The following RIMS4 variants were observed in gnomAD, a reference collection of about 807,000 sequenced individuals.
RIMS4 encodes the protein regulating synaptic membrane exocytosis protein 4.
A neutral mutation model predicts 29.0 loss-of-function variants in RIMS4; 9 were observed. The observed-to-expected ratio is 0.31, with a 90% CI of 0.19 to 0.54. The LOEUF is 0.54. RIMS4 is among the 20% of genes least tolerant of loss of function. The pLI is 0.94. For synonymous variants in RIMS4, 130 were observed against 152.9 expected (o/e 0.85, Z 1.10); for missense variants, 193 against 365.7 (o/e 0.53, Z 3.85).
At chr20:44,773,491 C>A (rs1401015006) in intron 1 of RIMS4, among the ~76,000 whole-genome samples, 4 of 150,764 alleles carry the variant, frequency 2.7e-5, no homozygotes, top group Admixed American at 2.0e-4. Context: ...GGAACAAACA[C>A]CCCCCCCACA....
chr20:44,770,558 G>A (rs1300254837), intron 2 of RIMS4, among the ~76,000 whole-genome samples: 4 of 152,134 alleles, frequency 2.6e-5, no homozygotes, highest in African/African-American at 9.7e-5. Context: ...AGTTGCTCTA[G>A]GGTAAAAGCT....
At chr20:44,759,584 C>T (rs1373621595) in intron 2 of RIMS4, among the ~76,000 whole-genome samples, 1 of 152,200 alleles carries the variant, frequency 6.6e-6, no homozygotes, top group Non-Finnish European at 1.5e-5. Flanking sequence ...TGATCTTTAT[C>T]ACCATCTTTT....
chr20:44,784,556 A>C (rs1215404271), intron 1 of RIMS4, among the ~76,000 whole-genome samples: 2 of 152,226 alleles, frequency 1.3e-5, no homozygotes, highest in Non-Finnish European at 2.9e-5. Context: ...TCCACGTCCC[A>C]AAACTGCTTA....
chr20:44,791,845 T>C (rs962252352), intron 1 of RIMS4, among the ~76,000 whole-genome samples: 4 of 152,146 alleles, frequency 2.6e-5, no homozygotes, highest in African/African-American at 9.7e-5. Context: ...ATAACTCAGA[T>C]CTCCAAGAAG....
Position 44,771,164 on chromosome 20 carries a change from G to A in RIMS4, c.236+111C>T, listed in dbSNP as rs567741252. ...GATGAACCTGGAGCCCTGAGCTGGC[G>A]CTTTCACAGCCTGGAGCTGCCCTAG... On this transcript the variant is annotated intron_variant, in intron 2 of 5. Transcript: ENST00000372851. 1.7e-4 allele frequency: 222 copies of A among 1,278,460 alleles called. No homozygotes were observed. In the Middle Eastern group the frequency reaches 1.9e-3, roughly 11 times the overall value. The allele number at this position is 1,278,460 out of a possible 1,614,324, so 79.2% of individuals were successfully genotyped here.
intron 1 of RIMS4, among the ~76,000 whole-genome samples, chr20:44,781,054 T>A (rs2066182266): frequency 6.6e-6 from 1 of 152,238 alleles, no homozygotes; most frequent in South Asian, 2.1e-4. Flanking sequence ...TATGCCATGC[T>A]GTTCTTGTCT....
At position 44,810,263 on chromosome 20, in the gene RIMS4, G is replaced by A. The variant is rs774245588; in HGVS notation, c.9C>T (p.Arg3=). Reference sequence around the variant, plus strand: ...CGGACAGACTGAGGCGGCTCTGCGAGCGCTCCATGCCCGCGCCGGCGCCGG... The same window carrying A: ...CGGACAGACTGAGGCGGCTCTGCGAACGCTCCATGCCCGCGCCGGCGCCGG... ME[R]SQSRLSLSAS... is the part of the protein sequence containing the mutation. The change falls in exon 1 of 6, where the codon CGC becomes CGT. Residue 3 remains arginine (R), a synonymous_variant. Coordinates refer to ENST00000372851, the MANE Select transcript of RIMS4 (RefSeq NM_182970.4). The A allele has an allele frequency of 1.8e-5, 27 of 1,474,330 alleles. No individual in the cohort carries two copies. The South Asian group carries it at 3.1e-4, about 17-fold the overall frequency. The allele number at this position is 1,474,330 out of a possible 1,614,324, so 91.3% of individuals were successfully genotyped here.
At position 44,810,318 on chromosome 20, in the gene RIMS4, G is replaced by A. The variant is rs1402003290; in HGVS notation, c.-47C>T. 2 of 739,732 alleles carry A rather than the reference G, an allele frequency of 2.7e-6. No individual in the cohort carries two copies. Among genetic ancestry groups the A allele is most frequent in the African/African-American group, 3.9e-5 (2 of 51,576 alleles). The allele number at this position is 739,732 out of a possible 1,614,324, so 45.8% of individuals were successfully genotyped here. On this transcript the variant is annotated 5_prime_UTR_variant, in exon 1 of 6. Coordinates refer to ENST00000372851, the MANE Select transcript of RIMS4 (RefSeq NM_182970.4). ...CTCGGCCGCGGCGGCGGCGGCGGCG[G>A]CGGGCGGCTTGGGCAGCTTGGCCGC... is the stretch of plus-strand genomic sequence containing the variant.
chr20:44,809,649 G>A (rs538328954), intron 1 of RIMS4, among the ~76,000 whole-genome samples: 1 of 152,360 alleles, frequency 6.6e-6, no homozygotes, highest in Admixed American at 6.5e-5. Context: ...CCCAGCCCAT[G>A]AGGGAAGGAG....
At chr20:44,802,165 G>A (rs2066279986) in intron 1 of RIMS4, among the ~76,000 whole-genome samples, 1 of 152,150 alleles carries the variant, frequency 6.6e-6, no homozygotes. Context: ...TGTGACAACT[G>A]CAGCTGCTAC....
At chr20:44,790,126 C>T (rs761246980) in intron 1 of RIMS4, among the ~76,000 whole-genome samples, 6 of 152,222 alleles carry the variant, frequency 3.9e-5, no homozygotes, top group African/African-American at 1.2e-4. Flanking sequence ...CCAGGCTGCA[C>T]GCCTGATTTT....
intron 1 of RIMS4, among the ~76,000 whole-genome samples, chr20:44,789,281 G>A (rs1032931137): frequency 1.6e-4 from 25 of 152,124 alleles, no homozygotes; most frequent in Admixed American, 3.3e-4. Context: ...TATCATCACA[G>A]TATGAGAATT....
At chr20:44,809,376 C>T (rs1164251622) in intron 1 of RIMS4, among the ~76,000 whole-genome samples, 5 of 152,106 alleles carry the variant, frequency 3.3e-5, no homozygotes. Context: ...CCTACAGCTC[C>T]CCACCCCTCG....
At chr20:44,776,577 A>T (rs920115727) in intron 1 of RIMS4, among the ~76,000 whole-genome samples, 1 of 152,218 alleles carries the variant, frequency 6.6e-6, no homozygotes, top group Non-Finnish European at 1.5e-5. Context: ...GGCACTCTGT[A>T]CTTCAGTTTC....
rs2066041277 is a variant in RIMS4, at chr20:44,753,008, G to A, written c.*3126C>T. ...AGCCCAGTAGGGCTGTGCAGCCCAG[G>A]GCTTCGAGGCCAGGAATCCTTGTCC... On this transcript the variant is annotated 3_prime_UTR_variant, in exon 6 of 6. Coordinates refer to ENST00000372851, the MANE Select transcript of RIMS4 (RefSeq NM_182970.4). The A allele has an allele frequency of 6.5e-6, 1 of 152,748 alleles. No individual in the cohort carries two copies. The highest frequency in any genetic ancestry group is 1.5e-5 in the Non-Finnish European group (1 of 68,114). The allele number at this position is 152,748 out of a possible 1,614,324, so 9.5% of individuals were successfully genotyped here.
rs368043122 is a variant in RIMS4 at position 44,756,251 on chromosome 20, G to A, written c.693C>T (p.Gly231=). 2.1e-5 allele frequency: 34 copies of A among 1,613,870 alleles called. No individual in the cohort carries two copies. Among genetic ancestry groups the A allele is most frequent in the Non-Finnish European group, 2.4e-5 (28 of 1,179,960 alleles). The change falls in exon 6 of 6, where the codon GGC becomes GGT. Residue 231 remains glycine (G), a synonymous_variant. Transcript: ENST00000372851. This position sits in a 1 kb window ranked among gnomAD's most constrained non-coding sequence, Gnocchi z 5.9. ...AGGAGGTGGGGAAGAGCTTGTACCA[G>A]CCCACGGCCAGGGTGGTCAAGTCCA... The part of the protein sequence containing the change: ...EELDLTTLAV[G]WYKLFPTSSM...
At chr20:44,809,703 G>C (rs1219889961) in intron 1 of RIMS4, among the ~76,000 whole-genome samples, 1 of 152,106 alleles carries the variant, frequency 6.6e-6, no homozygotes, top group Non-Finnish European at 1.5e-5. Flanking sequence ...GCGCCGGGCA[G>C]GGGTCTTGGG....
chr20:44,770,562 A>T (rs2066132551), intron 2 of RIMS4, among the ~76,000 whole-genome samples: 1 of 152,116 alleles, frequency 6.6e-6, no homozygotes, highest in Non-Finnish European at 1.5e-5. Context: ...GCTCTAGGGT[A>T]AAAGCTTTTT....
chr20:44,797,895 CTAA>C (rs1341905572), intron 1 of RIMS4, among the ~76,000 whole-genome samples: 8 of 152,318 alleles, frequency 5.3e-5, no homozygotes, highest in Non-Finnish European at 1.0e-4. Context: ...ACCTGTTCAT[CTAA>C]TGAGGAAATC....
Sources: gnomAD v4.1 joint callset for allele counts (sites outside exome capture counted in the v4.1 genomes callset) on GRCh38, gnomAD v4.1.1 for gene constraint, Gnocchi (gnomAD v3.1) non-coding constraint, MANE v1.5 for transcripts, NCBI Gene and HGNC (gene_info 2026-07-23, HGNC 2026-07-21) for gene names.